The following MUC6 variants were observed in gnomAD, a reference collection of about 807,000 sequenced individuals.
The protein encoded by MUC6 is mucin 6, oligomeric mucus/gel-forming (gene/pseudogene), also known as mucin-6.
A neutral mutation model predicts 201.5 loss-of-function variants in MUC6; 188 were observed. The observed-to-expected ratio is 0.93, with a 90% CI of 0.83 to 1.05. MUC6 has a LOEUF of 1.05. Among genes scored for constraint, MUC6 ranks in the 50% least tolerant of loss-of-function variants. MUC6 has a pLI of 0.00. For missense variants in MUC6, 2,706 were observed against 3,256.9 expected, an observed-to-expected ratio of 0.83 and a Z score of 4.12; for synonymous variants, 1,228 against 1,389.4, an observed-to-expected ratio of 0.88 and a Z score of 2.58.
chr11:1,020,032 G>A, intron 29 of MUC6, 58 bp downstream of exon 29: 1 of 1,575,298 alleles, frequency 6.3e-7, no homozygotes, highest in Non-Finnish European at 8.6e-7. Context: ...CACCCCAGAG[G>A]TGTACCTAGG....
At position 1,016,437 on chromosome 11, in the gene MUC6, A is replaced by T. The variant is rs2133812840; in HGVS notation, c.6364T>A (p.Ser2122Thr). Reference sequence around the variant, plus strand: ...GAGGAGGACAGCTGATTAGTTGTGGAAACAGGAGTGGTTGCAGAACTCAAG... The same window carrying T: ...GAGGAGGACAGCTGATTAGTTGTGGTAACAGGAGTGGTTGCAGAACTCAAG... ...PHLSSATTPV[S>T]TTNQLSSSFS... Residue 2122 changes from serine (S) to threonine (T), a missense_variant, in exon 31 of 33, where the codon TCC becomes ACC. Transcript: ENST00000421673. 3 of 1,613,870 alleles carry T rather than the reference A, an allele frequency of 1.9e-6. 1 individual carries two copies. The South Asian group carries it at 3.3e-5, about 18-fold the overall frequency.
chr11:1,025,108 G>T, intron 23 of MUC6, 25 bp from the exon 24 acceptor site: 1 of 1,612,382 alleles, frequency 6.2e-7, no homozygotes, highest in Non-Finnish European at 8.5e-7. Flanking sequence ...ATCAGGCCGG[G>T]CCCAGGGGCC....
rs199630998 is a variant in MUC6, at chr11:1,018,481, C to T, written c.4320G>A (p.Glu1440=). The change falls in exon 31 of 33, where the codon GAG becomes GAA. Residue 1440 remains glutamate (E), a synonymous_variant. Coordinates refer to ENST00000421673, the MANE Select transcript of MUC6 (RefSeq NM_005961.3). ...GTGGAACGTGAGTGGGAAGTGTGGT[C>T]TCAGGGTGTGATGGGGTTGGATAGG... is the stretch of plus-strand genomic sequence containing the variant. The part of the protein sequence containing the change: ...TTTYPTPSHP[E]TTLPTHVPPF... The T allele has an allele frequency of 6.3e-7, 1 of 1,594,122 alleles. No individual in the cohort carries two copies. The highest frequency in any genetic ancestry group is 8.5e-7 in the Non-Finnish European group (1 of 1,171,662).
Position 1,013,226 on chromosome 11 carries a change from C to T in MUC6, c.*230G>A. ...CTGGGAGGTCCGTGACCACTGTCCG[C>T]CTCAGTCCCTCTCTGCTGGCTCAGG... On this transcript the variant is annotated 3_prime_UTR_variant, in exon 33 of 33. Transcript: ENST00000421673. 1 of 572,126 alleles carries T rather than the reference C, an allele frequency of 1.7e-6. No homozygotes were observed. Among genetic ancestry groups the T allele is most frequent in the Non-Finnish European group, 3.1e-6 (1 of 325,344 alleles). The allele number at this position is 572,126 out of a possible 1,614,324, so 35.4% of individuals were successfully genotyped here. A position where few individuals can be genotyped will look rare whatever the true frequency, so the allele number is the denominator to read the frequency against.
rs756612645 is a variant in MUC6 at position 1,025,330 on chromosome 11, A to G, written c.2837T>C (p.Val946Ala). The G allele has an allele frequency of 9.0e-5, 145 of 1,611,750 alleles. No individual in the cohort carries two copies. Among genetic ancestry groups the G allele is most frequent in the Middle Eastern group, 3.3e-4 (2 of 6,080 alleles). Residue 946 changes from valine (V) to alanine (A), a missense_variant, in exon 23 of 33, where the codon GTC becomes GCC. Around this residue, in one of 10 missense-constraint regions of MUC6, gnomAD observed 1,850 missense variants for 1,958.3 expected, o/e 0.94. Coordinates refer to ENST00000421673, the MANE Select transcript of MUC6 (RefSeq NM_005961.3). ...CTGCACGTGGGGCTCCTCCCCGGTG[A>G]CCGTGTAGTTTCTGTCCGCCAGCAC... ...SVVLADRNYT[V>A]TGEEPHVQLG... is the part of the protein sequence containing the mutation.
chr11:1,013,175 G>C lies in MUC6; in HGVS notation c.*281C>G. ...GCTGGGAGGTGTTGGACGGTGGGCA[G>C]GGGTGGTCGGGAGTGCCCTGTGTGC... On this transcript the variant is annotated 3_prime_UTR_variant, in exon 33 of 33. Transcript: ENST00000421673. 1 of 501,486 alleles carries C rather than the reference G, an allele frequency of 2.0e-6. No homozygotes were observed. 31.1% of individuals were successfully genotyped at this position (501,486 alleles called of 1,614,324 possible). A position where few individuals can be genotyped will look rare whatever the true frequency, so the allele number is the denominator to read the frequency against.
At chr11:1,031,775 G>C in intron 3 of MUC6, 38 bp downstream of exon 3, 1 of 1,554,376 alleles carries the variant, frequency 6.4e-7, no homozygotes, top group Non-Finnish European at 8.7e-7. Flanking sequence ...TCAGTCCTCC[G>C]GCCCCCGAGC....
chr11:1,033,036 C>T lies in MUC6; in HGVS notation c.92G>A (p.Arg31Lys). 6.2e-7 allele frequency: 1 copy of T among 1,607,206 alleles called. No individual in the cohort carries two copies. The highest frequency in any genetic ancestry group is 1.1e-5 in the South Asian group (1 of 90,844). ...ACCTGTCTGTGGAGAGTCCTTCAGC[C>T]TCTGGAGGCCTGGGCTGGTGTAGGA... ...NTSYTSPGLQ[R>K]LKDSPQTAPD... Residue 31 changes from arginine to lysine, a missense_variant, in exon 2 of 33, where the codon AGG (arginine) becomes AAG (lysine). This residue lies in a region of MUC6 where 1,850 missense variants were observed against 1,958.3 expected (regional missense o/e 0.94). Transcript: ENST00000421673. This position sits in a 1 kb window ranked among gnomAD's most constrained non-coding sequence, Gnocchi z 5.6.
At chr11:1,031,785 C>T (rs528697742) in intron 3 of MUC6, 28 bp downstream of exon 3, 10 of 1,562,862 alleles carry the variant, frequency 6.4e-6, no homozygotes, top group East Asian at 4.8e-5. Flanking sequence ...GGCCCCCGAG[C>T]CCCCGGGCCC....
chr11:1,014,777 G>A (rs1052601682), intron 31 of MUC6, among the ~76,000 whole-genome samples: 5 of 152,180 alleles, frequency 3.3e-5, no homozygotes, highest in Non-Finnish European at 5.9e-5. Flanking sequence ...CTACCTGCCC[G>A]CTGCAGAGGG....
Position 1,033,355 on chromosome 11 carries a change from C to A in MUC6, c.53-280G>T, listed in dbSNP as rs944555202. ...CAGCCCCTCGGGGTTCGGCAGATGGCGGGCACCCTGTGTGCAGGGTACTCA... is the reference window on the plus strand; with the variant it reads ...CAGCCCCTCGGGGTTCGGCAGATGGAGGGCACCCTGTGTGCAGGGTACTCA... On this transcript the variant is annotated intron_variant, in intron 1 of 32. Coordinates refer to ENST00000421673, the MANE Select transcript of MUC6 (RefSeq NM_005961.3). The surrounding 1 kb of genome is among the most constrained non-coding windows in gnomAD (Gnocchi z 5.6). 29 of 531,368 alleles carry A rather than the reference C, an allele frequency of 5.5e-5. No individual in the cohort carries two copies. The highest frequency in any genetic ancestry group is 8.2e-5 in the Non-Finnish European group (24 of 293,000). 32.9% of individuals were successfully genotyped at this position (531,368 alleles called of 1,614,324 possible).
At chr11:1,031,126 CTA>C in intron 5 of MUC6, 41 bp downstream of exon 5, 1 of 1,399,628 alleles carries the variant, frequency 7.1e-7, no homozygotes, top group Non-Finnish European at 9.6e-7. Context: ...TGCCCCCCAC[CTA>C]GAGGCCCCCC....
chr11:1,028,528 G>A, intron 13 of MUC6, 118 bp downstream of exon 13: 1 of 1,534,780 alleles, frequency 6.5e-7, no homozygotes, highest in Non-Finnish European at 8.8e-7. Flanking sequence ...GTTACCCCTG[G>A]GGGCTCCCCG....
Position 1,029,332 on chromosome 11 carries a change from G to A in MUC6, c.1171C>T (p.Arg391Trp), listed in dbSNP as rs370813594. The stretch of plus-strand genomic sequence containing the variant: ...AGGGAGCAGTGTCCGGGGCACGGCC[G>A]CTCCGTGCACACCCAGCGGCCCAGG... ...CTLGRWVCTE[R>W]PCPGHCSLEG... The change falls in exon 10 of 33, where the codon CGG (arginine) becomes TGG (tryptophan). Residue 391 changes from arginine (R) to tryptophan (W), a missense_variant. Arg to Trp is a moderately radical substitution (Grantham distance 101, BLOSUM62 -3). This residue lies in a region of MUC6 where 1,850 missense variants were observed against 1,958.3 expected (regional missense o/e 0.94). Coordinates refer to ENST00000421673, the MANE Select transcript of MUC6 (RefSeq NM_005961.3). 32 of 1,603,672 alleles carry A rather than the reference G, an allele frequency of 2.0e-5. No individual in the cohort carries two copies. Among genetic ancestry groups the A allele is most frequent in the Non-Finnish European group, 2.6e-5 (31 of 1,176,114 alleles).
At chr11:1,025,430 C>T in intron 22 of MUC6, 63 bp from the exon 23 acceptor site, 1 of 1,552,210 alleles carries the variant, frequency 6.4e-7, no homozygotes. Context: ...CACAGCCGTG[C>T]TGGACCGAGC....
rs1049028598 is a variant in MUC6 at position 1,033,384 on chromosome 11, C to T, written c.53-309G>A. 1.3e-5 allele frequency among the ~76,000 whole-genome samples: 2 copies of T among 149,418 alleles called. No individual in the cohort carries two copies. Among genetic ancestry groups the T allele is most frequent in the African/African-American group, 4.9e-5 (2 of 41,152 alleles). On this transcript the variant is annotated intron_variant, in intron 1 of 32. Transcript: ENST00000421673. The surrounding 1 kb of genome is among the most constrained non-coding windows in gnomAD (Gnocchi z 5.6). The stretch of plus-strand genomic sequence containing the variant: ...CACCCTGTGTGCAGGGTACTCATCC[C>T]TGGGGCTTCTGGGTGGGGCTAGGAG...
chr11:1,030,966 TG>T lies in MUC6; in HGVS notation c.664del (p.His222ThrfsTer15), dbSNP rs771022612. 32 of 1,581,414 alleles carry T rather than the reference TG, an allele frequency of 2.0e-5. No individual in the cohort carries two copies. Among genetic ancestry groups the T allele is most frequent in the Non-Finnish European group, 2.7e-5 (31 of 1,164,276 alleles). ...GCTTACGTGCTGGGCCTGCCGGACG[TG>T]GGTGCTGGGGATGTCCTGGAAGGTG... ...ICTFQDIPST[H>X]VRQAQHARIC... On this transcript the variant is annotated frameshift_variant, in exon 6 of 33. Coordinates refer to ENST00000421673, the MANE Select transcript of MUC6 (RefSeq NM_005961.3). LOFTEE classifies it high-confidence loss of function.
chr11:1,016,631 G>C lies in MUC6; in HGVS notation c.6170C>G (p.Ser2057Cys). ...TGTCATTGGTGGGGCTGTGTGGGTG[G>C]ACCCTGTGGCCTTGAGCGTTGTTGG... ...PPPTTLKATG[S>C]THTAPPMTVT... The change falls in exon 31 of 33, where the codon TCC (serine) becomes TGC (cysteine). Residue 2057 changes from serine to cysteine, a missense_variant. Physicochemically the swap from Ser to Cys is moderately radical, Grantham distance 112. This residue lies in a region of MUC6 where 20 missense variants were observed against 43.3 expected (regional missense o/e 0.46). Transcript: ENST00000421673. The C allele has an allele frequency of 6.2e-7, 1 of 1,614,094 alleles. No homozygotes were observed. Among genetic ancestry groups the C allele is most frequent in the Non-Finnish European group, 8.5e-7 (1 of 1,179,882 alleles).
At chr11:1,018,849 A>T (rs561848312) in intron 30 of MUC6, 79 bp from the exon 31 acceptor site, 1 of 1,497,328 alleles carries the variant, frequency 6.7e-7, no homozygotes, top group Admixed American at 2.3e-5. Context: ...CCTTTTGTCT[A>T]TGTGACCTTT....
Sources: gnomAD v4.1 joint callset for allele counts (sites outside exome capture counted in the v4.1 genomes callset) on GRCh38, gnomAD v4.1.1 for gene constraint, gnomAD v4.1.1 regional missense constraint, Gnocchi (gnomAD v3.1) non-coding constraint, MANE v1.5 for transcripts, NCBI Gene and HGNC (gene_info 2026-07-23, HGNC 2026-07-21) for gene names.